The following MSRA variants were observed in gnomAD, a reference collection of about 807,000 sequenced individuals.
MSRA encodes methionine sulfoxide reductase A.
Under a neutral mutation model 31.3 loss-of-function variants are expected in MSRA, and 54 were observed. The ratio of observed to expected loss-of-function variants is 1.73; its 90% confidence interval spans 1.39 to 2.17. The LOEUF (loss-of-function observed/expected upper bound fraction) is 2.17. MSRA is among the 30% of genes most tolerant of loss of function. The probability of loss-of-function intolerance (pLI) is 0.00; values close to 1 mark genes in which losing one functional copy is unlikely to be tolerated. For synonymous variants in MSRA, 169 were observed against 116.5 expected (o/e 1.45, Z -2.90); for missense variants, 507 against 300.9 (o/e 1.69, Z -5.07).
chr8:10,159,901 C>A (rs1020090777), intron 1 of MSRA, among the ~76,000 whole-genome samples: 2 of 152,116 alleles, frequency 1.3e-5, no homozygotes, highest in Admixed American at 1.3e-4. Context: ...ATTATTAATT[C>A]TTACTGGAAT....
chr8:10,134,226 A>G lies in MSRA; in HGVS notation c.143-73607A>G, dbSNP rs76675074. Reference sequence around the variant, plus strand: ...CTGTGTTCACTCTCTGCACCTTTCTATTGTTTCACTGGAAGTGTCATGATA... The same window carrying G: ...CTGTGTTCACTCTCTGCACCTTTCTGTTGTTTCACTGGAAGTGTCATGATA... On this transcript the variant is annotated intron_variant, in intron 1 of 5. Coordinates refer to ENST00000317173, the MANE Select transcript of MSRA (RefSeq NM_012331.5). Among the ~76,000 whole-genome samples the G allele has an allele frequency of 3.3e-3, 506 of 152,144 alleles. 3 individuals carry two copies. Among genetic ancestry groups the G allele is most frequent in the African/African-American group, 9.6e-3 (397 of 41,500 alleles).
At chr8:10,242,459 T>C (rs1034503890) in intron 2 of MSRA, among the ~76,000 whole-genome samples, 9 of 152,128 alleles carry the variant, frequency 5.9e-5, no homozygotes, top group African/African-American at 2.2e-4. Context: ...CAGGGAGGCA[T>C]GTCTAGGGTA....
chr8:10,371,460 CT>C (rs1805471787), intron 5 of MSRA, among the ~76,000 whole-genome samples: 1 of 152,108 alleles, frequency 6.6e-6, no homozygotes, highest in Non-Finnish European at 1.5e-5. Context: ...GGTTCCCACA[CT>C]TTAGGGGTGA....
In MSRA at chr8:10,411,762, A is replaced by C. The variant is rs1382405906; in HGVS notation, c.544-16386A>C. Among the ~76,000 whole-genome samples, 36 of 152,258 alleles carry C rather than the reference A, an allele frequency of 2.4e-4. 2 individuals carry two copies. Among genetic ancestry groups the C allele is most frequent in the Admixed American group, 2.4e-3 (36 of 15,288 alleles). On this transcript the variant is annotated intron_variant, in intron 5 of 5. Coordinates refer to ENST00000317173, the MANE Select transcript of MSRA (RefSeq NM_012331.5). Reference sequence around the variant, plus strand: ...TCTCATTTTTTAAACATGGCGTAAGAGGATTTTAAGAAATTACAATTGCTT... The same window carrying C: ...TCTCATTTTTTAAACATGGCGTAAGCGGATTTTAAGAAATTACAATTGCTT...
At chr8:10,111,998 A>G (rs536743404) in intron 1 of MSRA, among the ~76,000 whole-genome samples, 1 of 151,518 alleles carries the variant, frequency 6.6e-6, no homozygotes, top group African/African-American at 2.4e-5. Context: ...ATTTACCAGA[A>G]GTTTGTCTTC....
At chr8:10,094,157 T>A (rs190280846) in intron 1 of MSRA, among the ~76,000 whole-genome samples, 10 of 152,364 alleles carry the variant, frequency 6.6e-5, no homozygotes, top group Non-Finnish European at 1.0e-4. Flanking sequence ...GTCAGTGCTT[T>A]AATTCAACAC....
chr8:10,073,373 G>A (rs573400923), intron 1 of MSRA, among the ~76,000 whole-genome samples: 14 of 152,240 alleles, frequency 9.2e-5, no homozygotes, highest in East Asian at 1.9e-4. Flanking sequence ...TGGAACACAG[G>A]CATGCTTATT....
chr8:10,331,462 C>A (rs1231951888), intron 5 of MSRA, among the ~76,000 whole-genome samples: 1 of 152,168 alleles, frequency 6.6e-6, no homozygotes, highest in Admixed American at 6.5e-5. Flanking sequence ...CACAGTCACA[C>A]ACAGGCTAGG....
intron 1 of MSRA, among the ~76,000 whole-genome samples, chr8:10,189,758 T>G (rs1807353219): frequency 6.6e-6 from 1 of 152,226 alleles, no homozygotes; most frequent in Non-Finnish European, 1.5e-5. Context: ...TTTTAAATTC[T>G]GTGTTCATAA....
At chr8:10,099,038 T>C (rs1426281235) in intron 1 of MSRA, among the ~76,000 whole-genome samples, 1 of 152,144 alleles carries the variant, frequency 6.6e-6, no homozygotes, top group Non-Finnish European at 1.5e-5. Flanking sequence ...CTAGGGGGTG[T>C]GGTGTATTTT....
At chr8:10,354,934 A>G (rs1804422519) in intron 5 of MSRA, among the ~76,000 whole-genome samples, 1 of 152,152 alleles carries the variant, frequency 6.6e-6, no homozygotes, top group South Asian at 2.1e-4. Flanking sequence ...GCATACTTAC[A>G]GCTGAATCTT....
intron 1 of MSRA, among the ~76,000 whole-genome samples, chr8:10,108,868 G>T (rs1800082722): frequency 6.6e-6 from 1 of 152,102 alleles, no homozygotes; most frequent in Non-Finnish European, 1.5e-5. Flanking sequence ...GCAGCCCAGA[G>T]CTTCTGCCTG....
intron 1 of MSRA, among the ~76,000 whole-genome samples, chr8:10,156,809 C>CTTT (rs58761026): frequency 0.018 from 2,276 of 125,016 alleles, 47 homozygotes; most frequent in African/African-American, 0.023. Context: ...AGCTTCATTC[C>CTTT]TTTTTTTTTT....
chr8:10,123,202 T>C (rs1339788871), intron 1 of MSRA, among the ~76,000 whole-genome samples: 1 of 152,218 alleles, frequency 6.6e-6, no homozygotes, highest in Non-Finnish European at 1.5e-5. Flanking sequence ...TGTTTTGACT[T>C]TTTAGTAATA....
chr8:10,237,628 T>C (rs924452563), intron 2 of MSRA, among the ~76,000 whole-genome samples: 1 of 152,222 alleles, frequency 6.6e-6, no homozygotes, highest in Non-Finnish European at 1.5e-5. Context: ...GTATTTTGAC[T>C]CATTAAAACT....
chr8:10,063,520 C>G (rs776485018), intron 1 of MSRA, among the ~76,000 whole-genome samples: 18 of 152,148 alleles, frequency 1.2e-4, no homozygotes, highest in Non-Finnish European at 2.4e-4. Flanking sequence ...GTCTGAATGC[C>G]TATGTGCCCC....
chr8:10,231,713 G>C (rs1440546980), intron 2 of MSRA, among the ~76,000 whole-genome samples: 1 of 152,146 alleles, frequency 6.6e-6, no homozygotes, highest in African/African-American at 2.4e-5. Flanking sequence ...GACCAGCCTG[G>C]TCAACATGGT....
intron 3 of MSRA, chr8:10,250,598 C>T (rs542492400): frequency 3.6e-5 from 23 of 635,346 alleles, no homozygotes; most frequent in South Asian, 7.3e-5. Context: ...CAGAATACTC[C>T]GGTGGATTTT....
At chr8:10,338,225 T>C (rs1325960290) in intron 5 of MSRA, among the ~76,000 whole-genome samples, 2 of 152,074 alleles carry the variant, frequency 1.3e-5, no homozygotes, top group Non-Finnish European at 2.9e-5. Context: ...TTGTGTTGTT[T>C]ATGTTGAGTG....
Sources: gnomAD v4.1 joint callset for allele counts (sites outside exome capture counted in the v4.1 genomes callset) on GRCh38, gnomAD v4.1.1 for gene constraint, MANE v1.5 for transcripts, NCBI Gene and HGNC (gene_info 2026-07-23, HGNC 2026-07-21) for gene names.